Variants in NAT10 observed in about 807,000 individuals in gnomAD.
NAT10 encodes RNA cytidine acetyltransferase.
Under a neutral mutation model 132.2 loss-of-function variants are expected in NAT10, and 109 were observed. The ratio of observed to expected loss-of-function variants is 0.82; its 90% CI spans 0.71 to 0.97. The LOEUF is 0.97. Among genes scored for constraint, NAT10 ranks in the 50% least tolerant of loss-of-function variants. The pLI, the probability that NAT10 is intolerant of heterozygous loss-of-function variation, is 0.00. For missense variants in NAT10, 1,184 were observed against 1,263.4 expected, an observed-to-expected ratio of 0.94 and a Z score of 0.95; for synonymous variants, 479 against 478.0, an observed-to-expected ratio of 1.00 and a Z score of -0.03.
Position 34,139,384 on chromosome 11 carries a change from G to C in NAT10, c.2309-1G>C. ...TAACTCTGCGTGATGGCACCCCACA[G>C]ATTTCCGACGGCGGTTCCTAGCCTT... On this transcript the variant is annotated splice_acceptor_variant, in intron 22 of 28. Coordinates refer to ENST00000257829, the MANE Select transcript of NAT10 (RefSeq NM_024662.3). LOFTEE classifies it high-confidence loss of function. 1.2e-6 allele frequency: 2 copies of C among 1,614,138 alleles called. No individual in the cohort carries two copies. Among genetic ancestry groups the C allele is most frequent in the African/African-American group, 1.3e-5 (1 of 75,062 alleles).
In NAT10 at chr11:34,143,559, C is replaced by T. The variant is rs367938335; in HGVS notation, c.2969+31C>T. The stretch of plus-strand genomic sequence containing the variant: ...GGCCCAGGGTCTGATGTGCATCTGG[C>T]GGAAGAGGCATTCTGGCCTCTCTGC... On this transcript the variant is annotated intron_variant, in intron 28 of 28. Coordinates refer to ENST00000257829, the MANE Select transcript of NAT10 (RefSeq NM_024662.3). 23 of 1,592,908 alleles carry T rather than the reference C, an allele frequency of 1.4e-5. No individual in the cohort carries two copies. The East Asian group carries it at 2.0e-4, about 14-fold the overall frequency.
intron 9 of NAT10, 45 bp downstream of exon 9, chr11:34,122,637 G>T (rs947096599): frequency 1.9e-6 from 3 of 1,606,964 alleles, no homozygotes; most frequent in Non-Finnish European, 2.5e-6. Flanking sequence ...TGGGCTCTGT[G>T]GGGGTAGTGT....
intron 13 of NAT10, 121 bp downstream of exon 13, chr11:34,131,058 T>A: frequency 6.9e-7 from 1 of 1,448,472 alleles, no homozygotes; most frequent in Non-Finnish European, 9.4e-7. Flanking sequence ...GGCTGAGAGG[T>A]TGAGTCCCCA....
chr11:34,130,219 A>C (rs1486393644), intron 12 of NAT10, among the ~76,000 whole-genome samples: 1 of 152,256 alleles, frequency 6.6e-6, no homozygotes, highest in Non-Finnish European at 1.5e-5. Context: ...TTGAGTTATC[A>C]GATTATAGGT....
At chr11:34,128,715 A>T (rs544685674) in intron 12 of NAT10, among the ~76,000 whole-genome samples, 525 of 152,340 alleles carry the variant, frequency 3.4e-3, no homozygotes, top group Non-Finnish European at 5.5e-3. Flanking sequence ...CTATCTATCC[A>T]TTTAAAATGT....
chr11:34,109,336 A>G (rs534004382), intron 3 of NAT10, among the ~76,000 whole-genome samples: 4 of 152,276 alleles, frequency 2.6e-5, no homozygotes, highest in South Asian at 2.1e-4. Context: ...AGATTTTTCT[A>G]TTATCAAAAG....
At chr11:34,113,531 G>A (rs1272969524) in intron 4 of NAT10, among the ~76,000 whole-genome samples, 185 bp from the exon 5 acceptor site, 3 of 151,248 alleles carry the variant, frequency 2.0e-5, no homozygotes, top group Admixed American at 6.6e-5. Flanking sequence ...GGCCAGGCGC[G>A]GTGGCTCATG....
At chr11:34,111,881 A>T (rs571512415) in intron 3 of NAT10, among the ~76,000 whole-genome samples, 171 bp from the exon 4 acceptor site, 1 of 152,172 alleles carries the variant, frequency 6.6e-6, no homozygotes, top group Non-Finnish European at 1.5e-5. Context: ...AAGCACTCTA[A>T]TGCCTCTCAT....
intron 8 of NAT10, among the ~76,000 whole-genome samples, chr11:34,119,187 G>GA (rs1851840653): frequency 6.6e-6 from 1 of 152,190 alleles, no homozygotes; most frequent in African/African-American, 2.4e-5. Context: ...CATTGAGGTG[G>GA]TCTGCACTGG....
intron 13 of NAT10, 51 bp downstream of exon 13, chr11:34,130,988 T>A (rs1379299082): frequency 6.2e-7 from 1 of 1,600,958 alleles, no homozygotes; most frequent in African/African-American, 1.3e-5. Context: ...GGCCCTTCAG[T>A]CTTACTGATC....
intron 1 of NAT10, 164 bp downstream of exon 1, chr11:34,105,956 A>C (rs1484557776): frequency 6.6e-6 from 1 of 152,352 alleles, no homozygotes; most frequent in African/African-American, 2.4e-5. Context: ...AAGATAACAG[A>C]ATCACCTCTC....
chr11:34,113,713 C>G lies in NAT10; in HGVS notation c.373-3C>G. ...AGCCCTTTCTAACGCCCCCTTCTTC[C>G]AGGATTTTGAAGCCTTAACTCCAAA... On this transcript the variant is annotated splice_polypyrimidine_tract_variant and splice_region_variant and intron_variant, in intron 4 of 28. Transcript: ENST00000257829. 5 of 1,611,276 alleles carry G rather than the reference C, an allele frequency of 3.1e-6. No homozygotes were observed. Among genetic ancestry groups the G allele is most frequent in the Non-Finnish European group, 3.4e-6 (4 of 1,178,948 alleles).
At chr11:34,138,278 G>A (rs1250557593) in intron 21 of NAT10, among the ~76,000 whole-genome samples, 1 of 152,168 alleles carries the variant, frequency 6.6e-6, no homozygotes, top group African/African-American at 2.4e-5. Context: ...GAAGGCATCA[G>A]TTGGCTGGCT....
In NAT10 at chr11:34,137,041, C is replaced by T. The variant is rs1034489156; in HGVS notation, c.2211+15C>T. On this transcript the variant is annotated intron_variant, in intron 21 of 28. Transcript: ENST00000257829. ...GACAGACCCCGGTGAGTGAGGCATC[C>T]AGCAGAGGAGAAGTTTAGGTTTACC... 2 of 1,614,106 alleles carry T rather than the reference C, an allele frequency of 1.2e-6. No homozygotes were observed. Among genetic ancestry groups the T allele is most frequent in the Non-Finnish European group, 1.7e-6 (2 of 1,179,980 alleles).
chr11:34,123,836 T>C lies in NAT10; in HGVS notation c.989T>C (p.Phe330Ser), dbSNP rs149713426. Reference sequence around the variant, plus strand: ...CTGTTTGAATTTGTATTTAAAGGATTTGATGCTCTGCAATATCAGGTAGGA... The same window carrying C: ...CTGTTTGAATTTGTATTTAAAGGATCTGATGCTCTGCAATATCAGGTAGGA... The part of the protein sequence containing the change: ...HTLFEFVFKG[F>S]DALQYQEHLD... Residue 330 changes from phenylalanine to serine, a missense_variant, in exon 10 of 29, where the codon TTT (phenylalanine) becomes TCT (serine). Phe to Ser is a radical substitution (Grantham distance 155). Transcript: ENST00000257829. 12 of 1,610,092 alleles carry C rather than the reference T, an allele frequency of 7.5e-6. No homozygotes were observed. The highest frequency in any genetic ancestry group is 9.4e-6 in the Non-Finnish European group (11 of 1,176,448).
Position 34,122,626 on chromosome 11 carries a change from CTG to C in NAT10, c.914+35_914+36del, listed in dbSNP as rs1358188488. ...ATTCAGTCCCCCATCTTTAGGAACT[CTG>C]GGCTCTGTGGGGGTAGTGTGCAGGG... is the stretch of plus-strand genomic sequence containing the variant. On this transcript the variant is annotated intron_variant, in intron 9 of 28. Coordinates refer to ENST00000257829, the MANE Select transcript of NAT10 (RefSeq NM_024662.3). 3.1e-6 allele frequency: 5 copies of C among 1,610,794 alleles called. No individual in the cohort carries two copies. The Middle Eastern group carries it at 5.3e-4, about 170-fold the overall frequency.
chr11:34,139,174 A>G lies in NAT10; in HGVS notation c.2212-17A>G. On this transcript the variant is annotated splice_polypyrimidine_tract_variant and intron_variant, in intron 21 of 28. Transcript: ENST00000257829. ...AAAGGGGGTTCTTGGTGCCAGTTAA[A>G]CCTCTGTGTTGCCCAGAATGACCTG... The G allele has an allele frequency of 6.2e-7, 1 of 1,609,278 alleles. No individual in the cohort carries two copies. The highest frequency in any genetic ancestry group is 2.2e-5 in the East Asian group (1 of 44,718).
In NAT10 at chr11:34,123,811, C is replaced by G. The variant is rs139800295; in HGVS notation, c.964C>G (p.Leu322Val). 3.4e-5 allele frequency: 54 copies of G among 1,611,676 alleles called. No individual in the cohort carries two copies. In the African/African-American group the frequency reaches 6.4e-4, roughly 19 times the overall value. ...CCCAAGCCCTGATAACCTCCATACT[C>G]TGTTTGAATTTGTATTTAAAGGATT... ...TSPSPDNLHT[L>V]FEFVFKGFDA... is the part of the protein sequence containing the mutation. Residue 322 changes from leucine (L) to valine (V), a missense_variant, in exon 10 of 29, where the codon CTG (leucine) becomes GTG (valine). Transcript: ENST00000257829.
intron 28 of NAT10, among the ~76,000 whole-genome samples, chr11:34,145,673 G>A (rs886283812): frequency 1.3e-5 from 2 of 152,128 alleles, no homozygotes; most frequent in African/African-American, 2.4e-5. Flanking sequence ...CTTGTATTAA[G>A]GACTGTCTTC....
Sources: gnomAD v4.1 joint callset for allele counts (sites outside exome capture counted in the v4.1 genomes callset) on GRCh38, gnomAD v4.1.1 for gene constraint, MANE v1.5 for transcripts, NCBI Gene and HGNC (gene_info 2026-07-23, HGNC 2026-07-21) for gene names.